BMPR1A: variants seen among roughly 807,000 people sequenced by gnomAD.
BMPR1A encodes the protein bone morphogenetic protein receptor type 1A.
BMPR1A carries 7 observed loss-of-function variants against 66.0 expected under a neutral mutation model. The observed-to-expected ratio is 0.11, with a 90% CI of 0.06 to 0.20. The LOEUF (loss-of-function observed/expected upper bound fraction) is 0.20. BMPR1A is among the 10% of genes least tolerant of loss of function. BMPR1A has a pLI of 1.00. For synonymous variants in BMPR1A, 200 were observed against 229.7 expected (o/e 0.87, Z 1.17); for missense variants, 408 against 669.1 (o/e 0.61, Z 4.31).
chr10:86,865,057 G>A (rs1842765730), intron 2 of BMPR1A, among the ~76,000 whole-genome samples: 1 of 146,626 alleles, frequency 6.8e-6, no homozygotes, highest in South Asian at 2.1e-4. Context: ...GGAATGTCAG[G>A]CCTCTGAGCC....
intron 1 of BMPR1A, among the ~76,000 whole-genome samples, chr10:86,783,123 A>G (rs1054891793): frequency 6.6e-6 from 1 of 152,120 alleles, no homozygotes. Context: ...TGTTGAAGAG[A>G]TTATTCTTTC....
At chr10:86,845,892 G>A (rs918455561) in intron 2 of BMPR1A, among the ~76,000 whole-genome samples, 1 of 152,046 alleles carries the variant, frequency 6.6e-6, no homozygotes, top group Admixed American at 6.5e-5. Flanking sequence ...AGCTACTCGG[G>A]AGGCTGAGGC....
At chr10:86,756,279 C>A (rs967624848), upstream of BMPR1A, 1 of 152,152 alleles carries the variant, frequency 6.6e-6, no homozygotes, top group African/African-American at 2.4e-5. Context: ...CTGCGGGAAG[C>A]TACCCGGGCG....
At position 86,924,474 on chromosome 10, in the gene BMPR1A, T is replaced by G. The variant is rs1843712879; in HGVS notation, c.*755T>G. On this transcript the variant is annotated 3_prime_UTR_variant, in exon 13 of 13. Coordinates refer to ENST00000372037, the MANE Select transcript of BMPR1A (RefSeq NM_004329.3). ...GCTGATGCCAAGGCCAAAAGAAGTT[T>G]AAAGCATCTGTAAATTTGGACTGTT... 4.3e-6 allele frequency: 1 copy of G among 233,706 alleles called. No homozygotes were observed. The highest frequency in any genetic ancestry group is 2.2e-5 in the African/African-American group (1 of 45,482). 14.5% of individuals were successfully genotyped at this position (233,706 alleles called of 1,614,324 possible). A position where few individuals can be genotyped will look rare whatever the true frequency, so the allele number is the denominator to read the frequency against.
chr10:86,797,700 C>T (rs1841743207), intron 1 of BMPR1A, among the ~76,000 whole-genome samples: 1 of 152,108 alleles, frequency 6.6e-6, no homozygotes, highest in African/African-American at 2.4e-5. Flanking sequence ...AATTGTATAG[C>T]ATTTTCAGGT....
intron 2 of BMPR1A, among the ~76,000 whole-genome samples, chr10:86,863,965 A>G (rs1012798491): frequency 1.3e-5 from 2 of 152,246 alleles, no homozygotes; most frequent in African/African-American, 4.8e-5. Context: ...GGGAAGGGAA[A>G]AAAAGTAAAA....
intron 1 of BMPR1A, among the ~76,000 whole-genome samples, chr10:86,764,007 G>A (rs1741561832): frequency 6.6e-6 from 1 of 152,078 alleles, no homozygotes; most frequent in African/African-American, 2.4e-5. Context: ...TAGCCAGGAT[G>A]GTCTCAATCT....
chr10:86,852,078 T>A (rs1006853108), intron 2 of BMPR1A, among the ~76,000 whole-genome samples: 1 of 151,508 alleles, frequency 6.6e-6, no homozygotes, highest in Non-Finnish European at 1.5e-5. Flanking sequence ...AGCAAGACCT[T>A]GCCTTTAAAA....
intron 2 of BMPR1A, among the ~76,000 whole-genome samples, chr10:86,862,990 T>C (rs1163559249): frequency 2.7e-5 from 4 of 148,812 alleles, no homozygotes; most frequent in African/African-American, 1.0e-4. Context: ...TTTTTTTTTT[T>C]TCCCCCTCTG....
intron 3 of BMPR1A, among the ~76,000 whole-genome samples, chr10:86,880,085 G>C (rs1842967496): frequency 6.6e-6 from 1 of 152,182 alleles, no homozygotes; most frequent in Non-Finnish European, 1.5e-5. Flanking sequence ...ATGGAGGTCT[G>C]ATTACTGGAA....
intron 3 of BMPR1A, among the ~76,000 whole-genome samples, chr10:86,876,793 A>G (rs1351432232): frequency 6.6e-6 from 1 of 152,182 alleles, no homozygotes; most frequent in Non-Finnish European, 1.5e-5. Context: ...AAAAAATTTC[A>G]TTTTATTGTT....
intron 8 of BMPR1A, among the ~76,000 whole-genome samples, chr10:86,914,393 A>G (rs1843533177): frequency 6.6e-6 from 1 of 152,222 alleles, no homozygotes; most frequent in South Asian, 2.1e-4. Flanking sequence ...TTTAATGATA[A>G]ATCAGGCTTT....
At chr10:86,886,685 T>G (rs1420456875) in intron 3 of BMPR1A, among the ~76,000 whole-genome samples, 1 of 152,120 alleles carries the variant, frequency 6.6e-6, no homozygotes, top group Non-Finnish European at 1.5e-5. Context: ...TTCTTTGTAT[T>G]CAATATCTGC....
rs114841406 is a variant in BMPR1A at position 86,914,537 on chromosome 10, C to T, written c.675+2153C>T. On this transcript the variant is annotated intron_variant, in intron 8 of 12. Transcript: ENST00000372037. The stretch of plus-strand genomic sequence containing the variant: ...CTTTTGCAACTCAATAATAAGATAA[C>T]CCAATTTTTTTAAAAAATGGACAAA... 6.8e-3 allele frequency among the ~76,000 whole-genome samples: 1,029 copies of T among 152,136 alleles called. 10 individuals carry two copies. Among genetic ancestry groups the T allele is most frequent in the African/African-American group, 0.024 (993 of 41,506 alleles).
chr10:86,888,919 G>C (rs1023768015), intron 3 of BMPR1A, among the ~76,000 whole-genome samples: 1 of 151,316 alleles, frequency 6.6e-6, no homozygotes, highest in Non-Finnish European at 1.5e-5. Flanking sequence ...TTACCTGTGT[G>C]TGCATATGTG....
At chr10:86,857,819 TC>T (rs1356619647) in intron 2 of BMPR1A, among the ~76,000 whole-genome samples, 36 of 100,930 alleles carry the variant, frequency 3.6e-4, no homozygotes, top group African/African-American at 2.0e-3. Context: ...TTTATTCGTT[TC>T]TTTTTTTTTT....
At chr10:86,896,938 C>CTA (rs1465390844) in intron 5 of BMPR1A, among the ~76,000 whole-genome samples, 2 of 152,244 alleles carry the variant, frequency 1.3e-5, no homozygotes, top group Non-Finnish European at 2.9e-5. Flanking sequence ...AAGCACAGCT[C>CTA]TGTCATGCTC....
At chr10:86,905,268 T>C (rs1843369727) in intron 7 of BMPR1A, among the ~76,000 whole-genome samples, 1 of 152,210 alleles carries the variant, frequency 6.6e-6, no homozygotes, top group South Asian at 2.1e-4. Flanking sequence ...GGCATCATTC[T>C]GTACCATACG....
At chr10:86,831,224 G>A (rs1401536287) in intron 1 of BMPR1A, among the ~76,000 whole-genome samples, 1 of 152,182 alleles carries the variant, frequency 6.6e-6, no homozygotes, top group Non-Finnish European at 1.5e-5. Context: ...TATACACGAT[G>A]CACAGATGTA....
Sources: allele counts gnomAD v4.1 joint callset (sites outside exome capture counted in the v4.1 genomes callset), GRCh38; gene constraint gnomAD v4.1.1; transcripts MANE v1.5; gene names NCBI Gene and HGNC (gene_info 2026-07-23, HGNC 2026-07-21).